TESK2: variants seen among roughly 807,000 people sequenced by gnomAD.
TESK2 encodes the protein dual specificity testis-specific protein kinase 2.
Under a neutral mutation model 57.1 loss-of-function variants are expected in TESK2, and 39 were observed. That is an observed-to-expected ratio of 0.68 (90% CI 0.53 to 0.89). TESK2 has a LOEUF of 0.89. Among genes scored for constraint, TESK2 ranks in the 40% least tolerant of loss-of-function variants. The pLI is 0.00. For missense variants in TESK2, 646 were observed against 732.1 expected (o/e 0.88, Z 1.36); for synonymous variants, 249 against 267.9 (o/e 0.93, Z 0.69).
chr1:45,467,482 C>T (rs1320625243), intron 1 of TESK2, among the ~76,000 whole-genome samples: 4 of 152,108 alleles, frequency 2.6e-5, no homozygotes, highest in Non-Finnish European at 5.9e-5. Context: ...GAGGCACGCG[C>T]CACCACACCC....
intron 1 of TESK2, among the ~76,000 whole-genome samples, chr1:45,477,479 G>A (rs552633715): frequency 1.1e-4 from 17 of 151,956 alleles, no homozygotes; most frequent in South Asian, 1.0e-3. Flanking sequence ...AAAATTAGCC[G>A]GGCATGATGG....
intron 5 of TESK2, among the ~76,000 whole-genome samples, chr1:45,355,040 G>A (rs1182153428): frequency 1.3e-5 from 2 of 151,276 alleles, no homozygotes; most frequent in Non-Finnish European, 2.9e-5. Flanking sequence ...GCTGAGTGTG[G>A]TAATATACAC....
At chr1:45,444,835 T>G (rs938361466) in intron 2 of TESK2, among the ~76,000 whole-genome samples, 2 of 152,210 alleles carry the variant, frequency 1.3e-5, no homozygotes, top group African/African-American at 4.8e-5. Context: ...GCTCATGGTT[T>G]AACTTTAAAA....
At position 45,345,889 on chromosome 1, in the gene TESK2, G is replaced by T; in HGVS notation, c.985C>A (p.Pro329Thr). 6.2e-7 allele frequency: 1 copy of T among 1,613,698 alleles called. No individual in the cohort carries two copies. The highest frequency in any genetic ancestry group is 2.2e-5 in the East Asian group (1 of 44,862). The change falls in exon 10 of 11, where the codon CCC (proline) becomes ACC (threonine). Residue 329 changes from proline to threonine, a missense_variant. Physicochemically the swap from Pro to Thr is conservative, Grantham distance 38. Transcript: ENST00000372086. ...TCTAATCTCTTACCCCTGGCTGTGG[G>T]CTGCAGCTTCCTATCCCTCTCCTGC... ...EEQERDRKLQ[P>T]TARGLLEKAP...
chr1:45,404,135 T>C (rs1649740141), intron 3 of TESK2, among the ~76,000 whole-genome samples: 1 of 152,182 alleles, frequency 6.6e-6, no homozygotes, highest in Admixed American at 6.6e-5. Context: ...AATATAGACT[T>C]CAATCTATGT....
chr1:45,454,333 C>CTTGT (rs1651987204), intron 2 of TESK2, among the ~76,000 whole-genome samples: 1 of 151,908 alleles, frequency 6.6e-6, no homozygotes, highest in Admixed American at 6.6e-5. Flanking sequence ...AGTTTGGAGG[C>CTTGT]ACAACCATGT....
chr1:45,395,514 T>A lies in TESK2; in HGVS notation c.345-9554A>T, dbSNP rs147124351. ...TATGCACTGCATTACTGTAGTTAGA[T>A]TCTACTCATCCTCAAATACCAGTTC... is the stretch of plus-strand genomic sequence containing the variant. On this transcript the variant is annotated intron_variant, in intron 3 of 10. Transcript: ENST00000372086. 4.3e-3 allele frequency among the ~76,000 whole-genome samples: 661 copies of A among 152,270 alleles called. 7 individuals carry two copies. The highest frequency in any genetic ancestry group is 6.4e-3 in the Non-Finnish European group (434 of 68,006).
In TESK2 at chr1:45,457,307, T is replaced by C. The variant is rs202108798; in HGVS notation, c.222+257A>G. Among the ~76,000 whole-genome samples, 2 of 87,932 alleles carry C rather than the reference T, an allele frequency of 2.3e-5. No homozygotes were observed. Among genetic ancestry groups the C allele is most frequent in the East Asian group, 4.6e-4 (1 of 2,176 alleles). 57.7% of individuals were successfully genotyped at this position (87,932 alleles called of 152,430 possible). On this transcript the variant is annotated intron_variant, in intron 2 of 10. Transcript: ENST00000372086. ...ATGTATGTGTGGATACATACACACA[T>C]GTGTGGCTGGGGGTAGAGGTGAGGT...
chr1:45,381,247 T>C (rs1648641327), intron 4 of TESK2, among the ~76,000 whole-genome samples: 1 of 152,172 alleles, frequency 6.6e-6, no homozygotes, highest in Non-Finnish European at 1.5e-5. Context: ...GACTGGGATA[T>C]TTACAGGGCA....
chr1:45,487,011 T>TA (rs1479731389), intron 1 of TESK2, among the ~76,000 whole-genome samples: 2 of 151,586 alleles, frequency 1.3e-5, no homozygotes, highest in African/African-American at 4.9e-5. Flanking sequence ...TTTTTTTCAG[T>TA]AGAGACAGGG....
In TESK2 at chr1:45,345,414, C is replaced by G; in HGVS notation, c.1142G>C (p.Ser381Thr). ...IFSRKPPRTVSVLDPYYRPRD... is the reference protein window; with the variant it reads ...IFSRKPPRTVTVLDPYYRPRD... Reference sequence around the variant, plus strand: ...TGGCCGGTAGTATGGGTCCAAGACACTCACTGTACGTGGGGGCTTACGGGA... The same window carrying G: ...TGGCCGGTAGTATGGGTCCAAGACAGTCACTGTACGTGGGGGCTTACGGGA... Residue 381 changes from serine (S) to threonine (T), a missense_variant, in exon 11 of 11, where the codon AGT becomes ACT. Physicochemically the swap from Ser to Thr is moderately conservative, Grantham distance 58. Transcript: ENST00000372086. The G allele has an allele frequency of 6.2e-7, 1 of 1,614,148 alleles. No homozygotes were observed. Among genetic ancestry groups the G allele is most frequent in the Non-Finnish European group, 8.5e-7 (1 of 1,180,020 alleles).
At chr1:45,390,732 C>T (rs942979008) in intron 3 of TESK2, among the ~76,000 whole-genome samples, 5 of 150,928 alleles carry the variant, frequency 3.3e-5, no homozygotes, top group East Asian at 1.9e-4. Flanking sequence ...TGCACCACCA[C>T]GCCTGGCTAA....
chr1:45,387,407 T>C (rs1341230514), intron 3 of TESK2, among the ~76,000 whole-genome samples: 1 of 152,016 alleles, frequency 6.6e-6, no homozygotes, highest in Admixed American at 6.6e-5. Context: ...ATGATGATCA[T>C]AAAGTAGGAG....
At chr1:45,410,842 CT>C (rs1240484528) in intron 3 of TESK2, among the ~76,000 whole-genome samples, 3 of 151,928 alleles carry the variant, frequency 2.0e-5, no homozygotes, top group Non-Finnish European at 2.9e-5. Context: ...CTGAAACCAC[CT>C]TTGCAAAAGA....
rs550195558 is a variant in TESK2, at chr1:45,491,077, G to C, written c.-312C>G. On this transcript the variant is annotated 5_prime_UTR_variant, in exon 1 of 11. Coordinates refer to ENST00000372086, the MANE Select transcript of TESK2 (RefSeq NM_007170.3). ...CCCCACAGTCGGGGCCGCTCCCCCCGCCTGTTTGGCGGGGCCAGGAGGACG... is the reference window on the plus strand; with the variant it reads ...CCCCACAGTCGGGGCCGCTCCCCCCCCCTGTTTGGCGGGGCCAGGAGGACG... 1 of 152,360 alleles carries C rather than the reference G, an allele frequency of 6.6e-6. No individual in the cohort carries two copies. Among genetic ancestry groups the C allele is most frequent in the Admixed American group, 6.5e-5 (1 of 15,296 alleles). 9.4% of individuals were successfully genotyped at this position (152,360 alleles called of 1,614,324 possible).
chr1:45,457,912 A>G, intron 1 of TESK2, 41 bp from the exon 2 acceptor site: 1 of 700,008 alleles, frequency 1.4e-6, no homozygotes. Context: ...TCTTTAATGA[A>G]TAAATACATG....
At chr1:45,481,667 A>G (rs1653230687) in intron 1 of TESK2, among the ~76,000 whole-genome samples, 1 of 152,154 alleles carries the variant, frequency 6.6e-6, no homozygotes. Flanking sequence ...ATTTTTGGAG[A>G]TGTATAACAT....
At chr1:45,376,135 AT>A in intron 4 of TESK2, among the ~76,000 whole-genome samples, 1 of 151,308 alleles carries the variant, frequency 6.6e-6, no homozygotes, top group East Asian at 1.9e-4. Context: ...TTGTAGAAAT[AT>A]TTTTTGCACA....
At chr1:45,482,600 TAAAAAA>T (rs34879699) in intron 1 of TESK2, among the ~76,000 whole-genome samples, 22 of 137,374 alleles carry the variant, frequency 1.6e-4, no homozygotes, top group African/African-American at 5.4e-4. Context: ...GGTCAGCCAT[TAAAAAA>T]AAAAAAAAAA....
Sources: gnomAD v4.1 joint callset for allele counts (sites outside exome capture counted in the v4.1 genomes callset) on GRCh38, gnomAD v4.1.1 for gene constraint, MANE v1.5 for transcripts, NCBI Gene and HGNC (gene_info 2026-07-23, HGNC 2026-07-21) for gene names.